CDK14: variants seen among roughly 807,000 people sequenced by gnomAD.
CDK14 encodes the protein cyclin-dependent kinase 14.
A neutral mutation model predicts 60.7 loss-of-function variants in CDK14; 34 were observed. That is an observed-to-expected ratio of 0.56 (90% CI 0.43 to 0.75). The LOEUF is 0.75. Among genes scored for constraint, CDK14 ranks in the 30% least tolerant of loss-of-function variants. The pLI is 0.00. For synonymous variants in CDK14, 197 were observed against 203.7 expected (o/e 0.97, Z 0.28); for missense variants, 482 against 564.1 (o/e 0.85, Z 1.47).
chr7:90,970,773 A>G (rs1794901280), intron 9 of CDK14, among the ~76,000 whole-genome samples: 1 of 152,212 alleles, frequency 6.6e-6, no homozygotes, highest in East Asian at 1.9e-4. Flanking sequence ...AAATGAAGTT[A>G]GAGTTCAGGT....
chr7:90,957,081 G>T (rs568058693), intron 9 of CDK14, among the ~76,000 whole-genome samples: 99 of 150,252 alleles, frequency 6.6e-4, no homozygotes, highest in Middle Eastern at 3.4e-3. Flanking sequence ...ACATACGTGT[G>T]CATGTGTCTT....
At chr7:90,641,952 C>T (rs1488366772) in intron 2 of CDK14, among the ~76,000 whole-genome samples, 1 of 152,150 alleles carries the variant, frequency 6.6e-6, no homozygotes, top group Non-Finnish European at 1.5e-5. Context: ...CAGGAAAACT[C>T]CCATTTTTAA....
intron 10 of CDK14, among the ~76,000 whole-genome samples, chr7:90,987,309 A>C (rs921426055): frequency 5.3e-5 from 8 of 152,034 alleles, no homozygotes; most frequent in East Asian, 3.8e-4. Context: ...TTATTGATAC[A>C]CTAAACTACC....
At chr7:90,726,445 G>A (rs1802635854) in intron 2 of CDK14, 122 bp from the exon 3 acceptor site, 1 of 1,263,588 alleles carries the variant, frequency 7.9e-7, no homozygotes, top group African/African-American at 1.5e-5. Flanking sequence ...CTTTTAGAAT[G>A]TGGGCTTTTT....
chr7:91,069,110 G>A (rs191105869), intron 11 of CDK14, among the ~76,000 whole-genome samples: 23 of 152,344 alleles, frequency 1.5e-4, no homozygotes, highest in Admixed American at 6.5e-4. Context: ...TAATTGCATA[G>A]TGTTTAAAGA....
At chr7:91,058,811 T>G (rs1187096395) in intron 11 of CDK14, among the ~76,000 whole-genome samples, 4 of 152,240 alleles carry the variant, frequency 2.6e-5, no homozygotes, top group African/African-American at 9.6e-5. Flanking sequence ...TTTGCCAGTA[T>G]TTTATTGAGG....
chr7:90,685,010 G>A lies in CDK14; in HGVS notation c.124-41557G>A, dbSNP rs187218825. Among the ~76,000 whole-genome samples the A allele has an allele frequency of 2.0e-5, 3 of 149,106 alleles. No homozygotes were observed. In the East Asian group the frequency reaches 5.9e-4, roughly 29 times the overall value. On this transcript the variant is annotated intron_variant, in intron 2 of 14. Coordinates refer to ENST00000380050, the MANE Select transcript of CDK14 (RefSeq NM_001287135.2). ...TAGATTTTTTTTTTTTCATTTTTAG[G>A]GAATCATCCTATTATGGTTTCTGGT...
intron 14 of CDK14, among the ~76,000 whole-genome samples, chr7:91,128,613 A>G (rs1039364382): frequency 5.9e-5 from 9 of 152,202 alleles, no homozygotes; most frequent in African/African-American, 1.2e-4. Flanking sequence ...AAAAAATGTT[A>G]TAATAAAATA....
intron 13 of CDK14, 108 bp downstream of exon 13, chr7:91,112,789 C>G: frequency 8.5e-7 from 1 of 1,171,376 alleles, no homozygotes; most frequent in Non-Finnish European, 1.2e-6. Flanking sequence ...TGTCCACAAA[C>G]ATAAGATAAT....
In CDK14 at chr7:91,062,199, C is replaced by A. The variant is rs147957092; in HGVS notation, c.1105+16239C>A. Among the ~76,000 whole-genome samples the A allele has an allele frequency of 1.8e-4, 28 of 152,306 alleles. No homozygotes were observed. In the East Asian group the frequency reaches 5.4e-3, roughly 29 times the overall value. ...TCCATGGGCTTAGGACCCTCCGAGC[C>A]AGGTGTGGGATACAATGTCCTGGTG... is the stretch of plus-strand genomic sequence containing the variant. On this transcript the variant is annotated intron_variant, in intron 11 of 14. Coordinates refer to ENST00000380050, the MANE Select transcript of CDK14 (RefSeq NM_001287135.2).
At chr7:90,813,779 A>G (rs558664122) in intron 5 of CDK14, among the ~76,000 whole-genome samples, 40 of 152,284 alleles carry the variant, frequency 2.6e-4, no homozygotes, top group African/African-American at 9.1e-4. Context: ...ATGTAATGTA[A>G]TATAAATAAT....
At chr7:90,875,311 C>G (rs1318862338) in intron 6 of CDK14, among the ~76,000 whole-genome samples, 1 of 152,212 alleles carries the variant, frequency 6.6e-6, no homozygotes, top group Non-Finnish European at 1.5e-5. Context: ...AATAGTGCTG[C>G]TATGAACATT....
chr7:90,959,511 A>C (rs1462507694), intron 9 of CDK14, among the ~76,000 whole-genome samples: 1 of 152,122 alleles, frequency 6.6e-6, no homozygotes, highest in Non-Finnish European at 1.5e-5. Context: ...AGCTGCAGCA[A>C]AGAGAAGTGC....
At chr7:90,674,654 T>TA (rs1463861840) in intron 2 of CDK14, among the ~76,000 whole-genome samples, 1 of 152,160 alleles carries the variant, frequency 6.6e-6, no homozygotes, top group African/African-American at 2.4e-5. Context: ...AAAAATACCA[T>TA]AAAATGCATA....
intron 10 of CDK14, among the ~76,000 whole-genome samples, chr7:91,010,115 C>A (rs1589923): frequency 0.04 from 6,035 of 152,126 alleles, 384 homozygotes; most frequent in African/African-American, 0.14. Context: ...TATAAGTATT[C>A]ATAGACTGTT....
At chr7:91,117,737 C>A (rs1319223011) in intron 13 of CDK14, among the ~76,000 whole-genome samples, 1 of 152,028 alleles carries the variant, frequency 6.6e-6, no homozygotes, top group Non-Finnish European at 1.5e-5. Flanking sequence ...CAGTGTGAGG[C>A]TCAATAAATA....
At chr7:90,607,873 C>A (rs913816879) in intron 2 of CDK14, among the ~76,000 whole-genome samples, 1 of 152,162 alleles carries the variant, frequency 6.6e-6, no homozygotes, top group East Asian at 1.9e-4. Context: ...ATGGACTAAT[C>A]ATTTCTAAAA....
chr7:90,759,644 A>G (rs1156792147), intron 4 of CDK14, among the ~76,000 whole-genome samples: 1 of 152,108 alleles, frequency 6.6e-6, no homozygotes, highest in Non-Finnish European at 1.5e-5. Flanking sequence ...CAGGTTCTGC[A>G]CCCTACCTCA....
At chr7:91,053,269 A>T (rs1797444346) in intron 11 of CDK14, among the ~76,000 whole-genome samples, 1 of 152,188 alleles carries the variant, frequency 6.6e-6, no homozygotes, top group Non-Finnish European at 1.5e-5. Context: ...AGATGAAGAA[A>T]CTGGGAAATT....
Sources: allele counts gnomAD v4.1 joint callset (sites outside exome capture counted in the v4.1 genomes callset), GRCh38; gene constraint gnomAD v4.1.1; transcripts MANE v1.5; gene names NCBI Gene and HGNC (gene_info 2026-07-23, HGNC 2026-07-21).